Variants in DROSHA observed in about 807,000 individuals in gnomAD.
The protein encoded by DROSHA is ribonuclease 3.
In DROSHA, 56 loss-of-function variants were observed where a neutral mutation model predicts 181.9. That is an observed-to-expected ratio of 0.31 (90% CI 0.25 to 0.38). DROSHA has a LOEUF of 0.38. Among genes scored for constraint, DROSHA ranks in the 10% least tolerant of loss-of-function variants. The pLI, the probability that DROSHA is intolerant of heterozygous loss-of-function variation, is 1.00. For synonymous variants in DROSHA, 524 were observed against 591.2 expected (o/e 0.89, Z 1.65); for missense variants, 1,218 against 1,743.5 (o/e 0.70, Z 5.37).
At chr5:31,450,311 C>T (rs145474211) in intron 21 of DROSHA, among the ~76,000 whole-genome samples, 16 of 152,270 alleles carry the variant, frequency 1.1e-4, no homozygotes, top group Admixed American at 2.0e-4. Flanking sequence ...ACACTTGATT[C>T]GGTCCTCCCA....
Position 31,437,129 on chromosome 5 carries a change from C to G in DROSHA, c.2942+110G>C. The G allele has an allele frequency of 8.7e-6, 10 of 1,146,514 alleles. No individual in the cohort carries two copies. The South Asian group carries it at 1.5e-4, about 17-fold the overall frequency. 71.0% of individuals were successfully genotyped at this position (1,146,514 alleles called of 1,614,324 possible). Reference sequence around the variant, plus strand: ...AGCTCTACAAAAGAGATAAAATACACGGTGTATCAATGCCTTATTTGGCTA... The same window carrying G: ...AGCTCTACAAAAGAGATAAAATACAGGGTGTATCAATGCCTTATTTGGCTA... On this transcript the variant is annotated intron_variant, in intron 24 of 35. Coordinates refer to ENST00000344624, the MANE Select transcript of DROSHA (RefSeq NM_001382508.1).
chr5:31,455,400 T>C (rs1420203414), intron 20 of DROSHA, among the ~76,000 whole-genome samples: 2 of 151,656 alleles, frequency 1.3e-5, no homozygotes, highest in African/African-American at 4.8e-5. Context: ...ACTTTAAAAA[T>C]CAAAATAATA....
Position 31,466,204 on chromosome 5 carries a change from T to C in DROSHA, c.2444A>G (p.Lys815Arg). 6.2e-7 allele frequency: 1 copy of C among 1,613,712 alleles called. No individual in the cohort carries two copies. The highest frequency in any genetic ancestry group is 8.5e-7 in the Non-Finnish European group (1 of 1,179,752). Reference protein sequence around the residue: ...ANSPKVKQTDKQKLAQREEAL... With the variant: ...ANSPKVKQTDRQKLAQREEAL... ...GACCTCCCTCTGTGCCAGCTTCTGTTTGTCAGTTTGTTTGACTTTGGGACT... is the reference window on the plus strand; with the variant it reads ...GACCTCCCTCTGTGCCAGCTTCTGTCTGTCAGTTTGTTTGACTTTGGGACT... Residue 815 changes from lysine (K) to arginine (R), a missense_variant, in exon 19 of 36, where the codon AAA (lysine) becomes AGA (arginine). This residue lies in a region of DROSHA where 460 missense variants were observed against 774.2 expected (regional missense o/e 0.59). Coordinates refer to ENST00000344624, the MANE Select transcript of DROSHA (RefSeq NM_001382508.1).
rs756702395 is a variant in DROSHA, at chr5:31,437,298, C to A, written c.2883G>T (p.Arg961Ser). The A allele has an allele frequency of 6.4e-7, 1 of 1,571,378 alleles. No individual in the cohort carries two copies. The highest frequency in any genetic ancestry group is 8.6e-7 in the Non-Finnish European group (1 of 1,157,350). ...RLGQDDPTPSRINHNERLEFL... is the reference protein window; with the variant it reads ...RLGQDDPTPSSINHNERLEFL... ...ATTCCAACCGTTCATTGTGGTTAAT[C>A]CTACAATAGGAATTAAAAAGGTTAC... Residue 961 changes from arginine to serine, a missense_variant and splice_region_variant, in exon 24 of 36, where the codon AGG becomes AGT. By Grantham distance (110) the Arg-to-Ser change is moderately radical. Coordinates refer to ENST00000344624, the MANE Select transcript of DROSHA (RefSeq NM_001382508.1).
intron 16 of DROSHA, among the ~76,000 whole-genome samples, chr5:31,476,361 T>C (rs948261892): frequency 3.9e-5 from 6 of 152,126 alleles, no homozygotes; most frequent in African/African-American, 1.4e-4. Context: ...TGAGACTCTC[T>C]ATCAAAGAAA....
chr5:31,437,387 G>C (rs996559911), intron 23 of DROSHA, 89 bp from the exon 24 acceptor site: 8 of 1,173,420 alleles, frequency 6.8e-6, no homozygotes, highest in Non-Finnish European at 9.4e-6. Context: ...ACACATGAGG[G>C]TTAGCTCCTT....
chr5:31,448,409 T>C, intron 23 of DROSHA, 138 bp downstream of exon 23: 1 of 701,250 alleles, frequency 1.4e-6, no homozygotes, highest in Non-Finnish European at 2.4e-6. Context: ...ATGTCAATGT[T>C]GCAAAATTAG....
chr5:31,521,278 C>A, intron 5 of DROSHA, 63 bp from the exon 6 acceptor site: 1 of 1,551,702 alleles, frequency 6.4e-7, no homozygotes, highest in Non-Finnish European at 8.9e-7. Context: ...CATCTCTTTT[C>A]ACTGAATTCA....
At chr5:31,423,725 C>G (rs1188087457) in intron 28 of DROSHA, among the ~76,000 whole-genome samples, 1 of 152,112 alleles carries the variant, frequency 6.6e-6, no homozygotes, top group Non-Finnish European at 1.5e-5. Flanking sequence ...AGTTCAACCA[C>G]TTCTTACATT....
chr5:31,474,951 T>C, intron 16 of DROSHA, among the ~76,000 whole-genome samples: 1 of 152,116 alleles, frequency 6.6e-6, no homozygotes, highest in East Asian at 1.9e-4. Context: ...AAGCCACCAA[T>C]CTATAATGTT....
At chr5:31,421,932 G>GTGTGTGTGTGTGTGTGTGTGTA (rs1554020895) in intron 29 of DROSHA, 75 of 108,442 alleles carry the variant, frequency 6.9e-4, no homozygotes, top group African/African-American at 3.3e-3. Flanking sequence ...GTGTGTGTGT[G>GTGTGTGTGTGTGTGTGTGTGTA]TATATAAATT....
intron 35 of DROSHA, among the ~76,000 whole-genome samples, chr5:31,401,788 A>G (rs1740030206): frequency 6.6e-6 from 1 of 152,140 alleles, no homozygotes; most frequent in African/African-American, 2.4e-5. Flanking sequence ...AAATTTCAGT[A>G]TCTGATGTGA....
intron 20 of DROSHA, among the ~76,000 whole-genome samples, chr5:31,458,085 T>TA (rs1284029184): frequency 9.9e-5 from 15 of 152,192 alleles, no homozygotes; most frequent in African/African-American, 3.6e-4. Flanking sequence ...TGGTAAGACT[T>TA]ACGATTTTTT....
chr5:31,402,805 A>T (rs902999567), intron 35 of DROSHA, among the ~76,000 whole-genome samples: 1 of 152,018 alleles, frequency 6.6e-6, no homozygotes, highest in Non-Finnish European at 1.5e-5. Flanking sequence ...TTTATTTATT[A>T]TTTATTTATT....
In DROSHA at chr5:31,437,289, G is replaced by A. The variant is rs1462995937; in HGVS notation, c.2892C>T (p.His964=). The change falls in exon 24 of 36, where the codon CAC becomes CAT. Residue 964 remains histidine (H), a synonymous_variant. Transcript: ENST00000344624. ...CACCCAGGAATTCCAACCGTTCATT[G>A]TGGTTAATCCTACAATAGGAATTAA... ...QDDPTPSRIN[H]NERLEFLGDA... 1.3e-6 allele frequency: 2 copies of A among 1,577,448 alleles called. No individual in the cohort carries two copies. Among genetic ancestry groups the A allele is most frequent in the Non-Finnish European group, 8.6e-7 (1 of 1,160,552 alleles).
chr5:31,521,949 G>A (rs533985850), intron 5 of DROSHA, among the ~76,000 whole-genome samples: 1 of 152,232 alleles, frequency 6.6e-6, no homozygotes, highest in East Asian at 1.9e-4. Context: ...AAGTCTAAAG[G>A]AAGTAACCTT....
intron 20 of DROSHA, among the ~76,000 whole-genome samples, chr5:31,462,100 C>T (rs752369461): frequency 5.9e-5 from 9 of 152,106 alleles, no homozygotes; most frequent in Admixed American, 6.5e-5. Flanking sequence ...ATTTCCTTCT[C>T]TTCCGCTTCT....
chr5:31,427,941 T>C (rs541939696), intron 27 of DROSHA, among the ~76,000 whole-genome samples: 4 of 152,334 alleles, frequency 2.6e-5, no homozygotes, highest in Non-Finnish European at 4.4e-5. Context: ...GTGAGCCTTA[T>C]GCAGTTTCAC....
intron 30 of DROSHA, among the ~76,000 whole-genome samples, chr5:31,420,853 C>T (rs1350909528): frequency 1.3e-5 from 2 of 152,224 alleles, no homozygotes; most frequent in African/African-American, 2.4e-5. Flanking sequence ...TAATATTTAA[C>T]ATGTTCTACC....
Sources: gnomAD v4.1 joint callset for allele counts (sites outside exome capture counted in the v4.1 genomes callset) on GRCh38, gnomAD v4.1.1 for gene constraint, gnomAD v4.1.1 regional missense constraint, MANE v1.5 for transcripts, NCBI Gene and HGNC (gene_info 2026-07-23, HGNC 2026-07-21) for gene names.